The following IL10RB variants were observed in gnomAD, a reference collection of about 807,000 sequenced individuals.
IL10RB encodes interleukin-10 receptor subunit beta.
In IL10RB, 30 loss-of-function variants were observed where a neutral mutation model predicts 38.7. The ratio of observed to expected loss-of-function variants is 0.78; its 90% CI spans 0.58 to 1.05. The LOEUF (loss-of-function observed/expected upper bound fraction) is 1.05, where lower values mean the gene tolerates loss of function less well. IL10RB is among the 50% of genes least tolerant of loss of function. The pLI, the probability that IL10RB is intolerant of heterozygous loss-of-function variation, is 0.00. For synonymous variants in IL10RB, 142 were observed against 145.9 expected, an observed-to-expected ratio of 0.97 and a Z score of 0.19; for missense variants, 328 against 397.1, an observed-to-expected ratio of 0.83 and a Z score of 1.48.
chr21:33,281,673 C>T (rs563654174), intron 4 of IL10RB, among the ~76,000 whole-genome samples: 1 of 152,286 alleles, frequency 6.6e-6, no homozygotes, highest in Admixed American at 6.5e-5. Flanking sequence ...ACCTCCGCCT[C>T]CTGGGTTCAA....
At chr21:33,273,088 C>T (rs1156985612) in intron 2 of IL10RB, among the ~76,000 whole-genome samples, 1 of 152,152 alleles carries the variant, frequency 6.6e-6, no homozygotes, top group Non-Finnish European at 1.5e-5. Context: ...GCTGTGTGAA[C>T]GTCATGCAGT....
chr21:33,308,383 A>G (rs2083003876), intron 1 of IL10RB: 1 of 152,252 alleles, frequency 6.6e-6, no homozygotes, highest in African/African-American at 2.4e-5. Context: ...TTTGATAGTA[A>G]CTGTACTATA....
downstream of IL10RB, among the ~76,000 whole-genome samples, chr21:33,300,484 T>C (rs1010596630): frequency 6.7e-6 from 1 of 149,346 alleles, no homozygotes; most frequent in Non-Finnish European, 1.5e-5. Context: ...TTGGGATACA[T>C]GACAATTATA....
chr21:33,270,474 G>A (rs1230346978), intron 2 of IL10RB, among the ~76,000 whole-genome samples: 7 of 150,978 alleles, frequency 4.6e-5, no homozygotes, highest in African/African-American at 1.5e-4. Flanking sequence ...TCCGCCTCCC[G>A]GGTTCACGCC....
intron 1 of IL10RB, among the ~76,000 whole-genome samples, chr21:33,305,245 A>G (rs572679940): frequency 6.6e-6 from 1 of 152,214 alleles, no homozygotes; most frequent in South Asian, 2.1e-4. Flanking sequence ...AGTAGCAGGA[A>G]CTACCGATGC....
At chr21:33,274,044 A>C (rs1044030610) in intron 2 of IL10RB, among the ~76,000 whole-genome samples, 1 of 152,132 alleles carries the variant, frequency 6.6e-6, no homozygotes, top group Non-Finnish European at 1.5e-5. Context: ...CCTCCTATGA[A>C]TCACCAGTGT....
chr21:33,295,357 G>GAAAA (rs59137986), intron 6 of IL10RB, among the ~76,000 whole-genome samples: 4 of 55,870 alleles, frequency 7.2e-5, no homozygotes, highest in Non-Finnish European at 1.4e-4. Context: ...GACTCCGTCT[G>GAAAA]AAAAAAAAAA....
At chr21:33,291,875 G>A (rs538452320) in intron 6 of IL10RB, among the ~76,000 whole-genome samples, 2 of 152,292 alleles carry the variant, frequency 1.3e-5, no homozygotes, top group South Asian at 4.1e-4. Flanking sequence ...TGGCTACCCA[G>A]CCGTGGGAGT....
At chr21:33,295,380 T>C (rs555632577) in intron 6 of IL10RB, among the ~76,000 whole-genome samples, 2,221 of 127,876 alleles carry the variant, frequency 0.017, 73 homozygotes, top group African/African-American at 0.064. Flanking sequence ...AAAAAAAAAG[T>C]CCAAAGATTG....
At chr21:33,287,412 G>A (rs1329992628) in intron 5 of IL10RB, among the ~76,000 whole-genome samples, 1 of 152,118 alleles carries the variant, frequency 6.6e-6, no homozygotes, top group Non-Finnish European at 1.5e-5. Flanking sequence ...TTGGAGTGCA[G>A]TGGTACAATC....
At chr21:33,277,774 A>G (rs1989203171) in intron 3 of IL10RB, among the ~76,000 whole-genome samples, 2 of 144,348 alleles carry the variant, frequency 1.4e-5, no homozygotes, top group South Asian at 4.4e-4. Flanking sequence ...GGTTCAAATG[A>G]TTCTCGTGCC....
chr21:33,296,600 A>G lies in IL10RB; in HGVS notation c.*243A>G, dbSNP rs1245038972. The G allele has an allele frequency of 3.1e-6, 2 of 649,622 alleles. No homozygotes were observed. Among genetic ancestry groups the G allele is most frequent in the East Asian group, 6.2e-5 (2 of 32,408 alleles). 40.2% of individuals were successfully genotyped at this position (649,622 alleles called of 1,614,324 possible). A position where few individuals can be genotyped will look rare whatever the true frequency, so the allele number is the denominator to read the frequency against. ...TTCATGATGTTTTCAGAAGTTGGCC[A>G]CTGAGAGTGTAATTTTCAGCCTTTT... is the stretch of plus-strand genomic sequence containing the variant. On this transcript the variant is annotated 3_prime_UTR_variant, in exon 7 of 7. Coordinates refer to ENST00000290200, the MANE Select transcript of IL10RB (RefSeq NM_000628.5).
chr21:33,300,999 T>C (rs1305987734), downstream of IL10RB, among the ~76,000 whole-genome samples: 1 of 152,222 alleles, frequency 6.6e-6, no homozygotes, highest in African/African-American at 2.4e-5. Context: ...CCAGTTCTAA[T>C]ATCTTCTTAG....
At chr21:33,267,501 T>A (rs1194785730) in intron 1 of IL10RB, among the ~76,000 whole-genome samples, 17 of 122,012 alleles carry the variant, frequency 1.4e-4, no homozygotes, top group African/African-American at 4.9e-4. Flanking sequence ...TTTGTTTGTT[T>A]GTTTTTTTGT....
chr21:33,307,756 T>C (rs1305785563), intron 1 of IL10RB, among the ~76,000 whole-genome samples: 1 of 152,238 alleles, frequency 6.6e-6, no homozygotes, highest in Non-Finnish European at 1.5e-5. Context: ...TTGCTGTCTC[T>C]TGTCCCTCTT....
At position 33,267,510 on chromosome 21, in the gene IL10RB, G is replaced by GT. The variant is rs1292416988; in HGVS notation, c.50-877dup. ...TTTTTTTTTGTTTGTTTGTTTTTTT[G>GT]TTTTTTTGTTTTTTTTTGAGACAGG... On this transcript the variant is annotated intron_variant, in intron 1 of 6. Transcript: ENST00000290200. Among the ~76,000 whole-genome samples, 467 of 73,948 alleles carry GT rather than the reference G, an allele frequency of 6.3e-3. 21 individuals carry two copies. The highest frequency in any genetic ancestry group is 0.015 in the African/African-American group (328 of 22,228). 48.5% of individuals were successfully genotyped at this position (73,948 alleles called of 152,430 possible).
chr21:33,305,872 C>T (rs1054939845), intron 1 of IL10RB, among the ~76,000 whole-genome samples: 1 of 152,054 alleles, frequency 6.6e-6, no homozygotes, highest in Non-Finnish European at 1.5e-5. Context: ...TGCTCTGTTG[C>T]TCAGGCTGGA....
At chr21:33,280,083 A>G (rs758064231) in intron 4 of IL10RB, among the ~76,000 whole-genome samples, 165 bp downstream of exon 4, 1 of 152,214 alleles carries the variant, frequency 6.6e-6, no homozygotes, top group Non-Finnish European at 1.5e-5. Context: ...CCTAAGGGAT[A>G]TGTGTAGAGC....
Position 33,281,749 on chromosome 21 carries a change from ATT to A in IL10RB, c.499-1341_499-1340del, listed in dbSNP as rs531685522. Among the ~76,000 whole-genome samples the A allele has an allele frequency of 2.7e-4, 41 of 152,198 alleles. No homozygotes were observed. In the East Asian group the frequency reaches 7.5e-3, roughly 28 times the overall value. On this transcript the variant is annotated intron_variant, in intron 4 of 6. Coordinates refer to ENST00000290200, the MANE Select transcript of IL10RB (RefSeq NM_000628.5). ...AGGCATCTGCCACCACACCCCGCTA[ATT>A]TTTCTATCAATACAGGCTTATATGG...
Sources: allele counts gnomAD v4.1 joint callset (sites outside exome capture counted in the v4.1 genomes callset), GRCh38; gene constraint gnomAD v4.1.1; transcripts MANE v1.5; gene names NCBI Gene and HGNC (gene_info 2026-07-23, HGNC 2026-07-21).